DAB2IP: variants seen among roughly 807,000 people sequenced by gnomAD.
The protein encoded by DAB2IP is disabled homolog 2-interacting protein.
A neutral mutation model predicts 107.2 loss-of-function variants in DAB2IP; 28 were observed. That is an observed-to-expected ratio of 0.26 (90% CI 0.19 to 0.36). The LOEUF (loss-of-function observed/expected upper bound fraction) is 0.36, where lower values mean the gene tolerates loss of function less well. DAB2IP is among the 10% of genes least tolerant of loss of function. The probability of loss-of-function intolerance (pLI) is 1.00; values close to 1 mark genes in which losing one functional copy is unlikely to be tolerated. For synonymous variants in DAB2IP, 755 were observed against 706.4 expected, an observed-to-expected ratio of 1.07 and a Z score of -1.09; for missense variants, 1,400 against 1,644.7, an observed-to-expected ratio of 0.85 and a Z score of 2.57.
intron 1 of DAB2IP, among the ~76,000 whole-genome samples, chr9:121,676,031 C>T (rs890131215): frequency 2.0e-5 from 3 of 152,226 alleles, no homozygotes; most frequent in Non-Finnish European, 2.9e-5. Context: ...CCTTAAGAGA[C>T]GGCGCCAGGC....
chr9:121,779,825 T>G (rs574985858), intron 14 of DAB2IP, among the ~76,000 whole-genome samples: 1 of 152,356 alleles, frequency 6.6e-6, no homozygotes, highest in South Asian at 2.1e-4. Flanking sequence ...ACTCGGGAGC[T>G]ATGTGGAGTT....
intron 1 of DAB2IP, among the ~76,000 whole-genome samples, chr9:121,580,717 C>G (rs1218838351): frequency 4.6e-5 from 7 of 152,106 alleles, no homozygotes; most frequent in Non-Finnish European, 8.8e-5. Flanking sequence ...CTCCGCCTCT[C>G]AGGTTCACGC....
At position 121,783,243 on chromosome 9, in the gene DAB2IP, C is replaced by G. The variant is rs917035594; in HGVS notation, c.*745C>G. The G allele has an allele frequency of 4.0e-6, 5 of 1,263,510 alleles. No homozygotes were observed. In the African/African-American group the frequency reaches 6.1e-5, roughly 15 times the overall value. 78.3% of individuals were successfully genotyped at this position (1,263,510 alleles called of 1,614,324 possible). A position where few individuals can be genotyped will look rare whatever the true frequency, so the allele number is the denominator to read the frequency against. On this transcript the variant is annotated 3_prime_UTR_variant, in exon 16 of 16. Transcript: ENST00000408936. ...ATGGCTTTTTCTTGTGAGCTCTTGT[C>G]CCTGTGGGGAGGACCCACAGCTTCC...
chr9:121,629,219 G>T (rs1831781623), intron 1 of DAB2IP, among the ~76,000 whole-genome samples: 1 of 152,224 alleles, frequency 6.6e-6, no homozygotes, highest in Non-Finnish European at 1.5e-5. Flanking sequence ...GCAAAAAGCA[G>T]TCCCTCAGGG....
intron 3 of DAB2IP, among the ~76,000 whole-genome samples, chr9:121,740,773 C>T (rs990664714): frequency 6.6e-6 from 1 of 152,158 alleles, no homozygotes; most frequent in Non-Finnish European, 1.5e-5. Flanking sequence ...GTTTGGGGTT[C>T]CCAGTTGCTT....
At chr9:121,750,256 A>C (rs1305099114) in intron 3 of DAB2IP, among the ~76,000 whole-genome samples, 1 of 152,216 alleles carries the variant, frequency 6.6e-6, no homozygotes, top group African/African-American at 2.4e-5. Context: ...CACCCTTGAC[A>C]CTAGGCCCTC....
chr9:121,724,197 G>A (rs1831096018), intron 3 of DAB2IP, among the ~76,000 whole-genome samples: 1 of 151,930 alleles, frequency 6.6e-6, no homozygotes, highest in African/African-American at 2.4e-5. Context: ...TCAGTTCTCT[G>A]CCCAGGACTC....
intron 1 of DAB2IP, among the ~76,000 whole-genome samples, chr9:121,597,669 C>G (rs1187690072): frequency 6.6e-6 from 1 of 152,182 alleles, no homozygotes; most frequent in Non-Finnish European, 1.5e-5. Flanking sequence ...CATACTATCT[C>G]TTGGAGTTCT....
At chr9:121,574,692 C>T (rs1460121773) in intron 1 of DAB2IP, among the ~76,000 whole-genome samples, 1 of 152,132 alleles carries the variant, frequency 6.6e-6, no homozygotes, top group Admixed American at 6.5e-5. Flanking sequence ...CTCCCAAGAT[C>T]CTGTGAGCTT....
At chr9:121,676,219 C>T (rs1833898092) in intron 1 of DAB2IP, among the ~76,000 whole-genome samples, 1 of 152,218 alleles carries the variant, frequency 6.6e-6, no homozygotes. Context: ...GCCTGTGCTT[C>T]TGTGGACTCC....
At chr9:121,690,202 T>C (rs779822751) in intron 2 of DAB2IP, among the ~76,000 whole-genome samples, 27 of 152,192 alleles carry the variant, frequency 1.8e-4, no homozygotes, top group Non-Finnish European at 2.9e-4. Context: ...CCCAGACTTA[T>C]AGACTCCAAA....
chr9:121,596,793 A>G (rs1830540097), intron 1 of DAB2IP, among the ~76,000 whole-genome samples: 1 of 152,174 alleles, frequency 6.6e-6, no homozygotes, highest in Admixed American at 6.5e-5. Flanking sequence ...GTGCACTTCG[A>G]CATTTCTAGA....
chr9:121,694,538 G>A (rs563158174), intron 2 of DAB2IP, among the ~76,000 whole-genome samples: 8 of 152,240 alleles, frequency 5.3e-5, no homozygotes, highest in South Asian at 2.1e-4. Context: ...TGAGACAGTC[G>A]TTCAGGACCT....
At chr9:121,671,630 T>C (rs1474764151) in intron 1 of DAB2IP, among the ~76,000 whole-genome samples, 1 of 152,154 alleles carries the variant, frequency 6.6e-6, no homozygotes, top group Non-Finnish European at 1.5e-5. Context: ...TGAACATTCT[T>C]GTAAAAAAAA....
intron 1 of DAB2IP, among the ~76,000 whole-genome samples, chr9:121,641,313 A>G (rs1832278621): frequency 6.6e-6 from 1 of 152,090 alleles, no homozygotes; most frequent in African/African-American, 2.4e-5. Context: ...TTTAATTCCC[A>G]CCTACCTGGT....
Position 121,595,910 on chromosome 9 carries a change from C to T in DAB2IP, c.40+28682C>T, listed in dbSNP as rs578015814. ...ATAGAACTTGAAGCCAGGGTAGGCA[C>T]AGTGGCTCACATCTGTAATCCCAAC... On this transcript the variant is annotated intron_variant, in intron 1 of 16. Transcript: ENST00000259371. 9.2e-5 allele frequency among the ~76,000 whole-genome samples: 14 copies of T among 152,274 alleles called. No homozygotes were observed. In the South Asian group the frequency reaches 1.5e-3, roughly 16 times the overall value.
chr9:121,766,450 C>T (rs376111620), intron 8 of DAB2IP, 44 bp from the exon 9 acceptor site: 224 of 1,565,462 alleles, frequency 1.4e-4, no homozygotes, highest in Non-Finnish European at 1.9e-4. Flanking sequence ...CTGTCCTGGG[C>T]CCCTGCCTGA....
chr9:121,596,271 C>T (rs140197207), intron 1 of DAB2IP, among the ~76,000 whole-genome samples: 3 of 152,106 alleles, frequency 2.0e-5, no homozygotes, highest in Non-Finnish European at 4.4e-5. Flanking sequence ...ACAGAGGTTG[C>T]GGTGAACTGA....
At chr9:121,577,059 G>A (rs1469131391) in intron 1 of DAB2IP, among the ~76,000 whole-genome samples, 1 of 152,184 alleles carries the variant, frequency 6.6e-6, no homozygotes, top group Non-Finnish European at 1.5e-5. Context: ...TCTGGTCTGA[G>A]GACATCTCTC....
Sources: gnomAD v4.1 joint callset for allele counts (sites outside exome capture counted in the v4.1 genomes callset) on GRCh38, gnomAD v4.1.1 for gene constraint, MANE v1.5 for transcripts, NCBI Gene and HGNC (gene_info 2026-07-23, HGNC 2026-07-21) for gene names.